The following CA10 variants were observed in gnomAD, a reference collection of about 807,000 sequenced individuals.
The protein encoded by CA10 is carbonic anhydrase-related protein 10.
A neutral mutation model predicts 44.2 loss-of-function variants in CA10; 14 were observed. That is an observed-to-expected ratio of 0.32 (90% CI 0.21 to 0.50). CA10 has a LOEUF of 0.50. Ranked by LOEUF, CA10 falls within the 20% of genes least tolerant of loss-of-function variation. The pLI is 0.99. For missense variants in CA10, 350 were observed against 409.7 expected, an observed-to-expected ratio of 0.85 and a Z score of 1.26; for synonymous variants, 159 against 141.6, an observed-to-expected ratio of 1.12 and a Z score of -0.87.
intron 2 of CA10, among the ~76,000 whole-genome samples, chr17:52,062,721 C>G (rs1987423566): frequency 6.6e-6 from 1 of 152,186 alleles, no homozygotes; most frequent in Non-Finnish European, 1.5e-5. Flanking sequence ...TCTGTAGGCT[C>G]CTAGAATGCA....
intron 4 of CA10, among the ~76,000 whole-genome samples, chr17:51,724,987 C>G (rs1916467819): frequency 2.0e-5 from 3 of 152,182 alleles, no homozygotes; most frequent in Admixed American, 2.0e-4. Flanking sequence ...TTATGGTCCT[C>G]AACAGTCACC....
intron 3 of CA10, among the ~76,000 whole-genome samples, chr17:51,919,267 T>C (rs1014662825): frequency 6.6e-6 from 1 of 152,160 alleles, no homozygotes; most frequent in East Asian, 1.9e-4. Flanking sequence ...ATAGAACAAC[T>C]TTGTGGGTTT....
At chr17:52,127,992 G>C (rs1031251315) in intron 1 of CA10, among the ~76,000 whole-genome samples, 1 of 152,176 alleles carries the variant, frequency 6.6e-6, no homozygotes, top group Non-Finnish European at 1.5e-5. Flanking sequence ...CTGTAAGATA[G>C]GTATTGCTTT....
At chr17:51,899,363 T>C (rs571772778) in intron 3 of CA10, among the ~76,000 whole-genome samples, 21 of 152,250 alleles carry the variant, frequency 1.4e-4, no homozygotes, top group African/African-American at 4.8e-4. Flanking sequence ...AATTGTATGG[T>C]TTTATGTAAT....
chr17:52,037,926 C>A (rs1225631921), intron 2 of CA10, among the ~76,000 whole-genome samples: 2 of 151,976 alleles, frequency 1.3e-5, no homozygotes, highest in East Asian at 3.9e-4. Flanking sequence ...TCCTCTGGCC[C>A]AAAACTCTTT....
intron 4 of CA10, among the ~76,000 whole-genome samples, chr17:51,704,729 G>A (rs920336742): frequency 6.6e-6 from 1 of 152,092 alleles, no homozygotes; most frequent in Non-Finnish European, 1.5e-5. Context: ...TTTGGGAGGC[G>A]ACAGTGGTGG....
chr17:51,832,028 C>T (rs867411066), intron 3 of CA10, among the ~76,000 whole-genome samples: 34 of 152,278 alleles, frequency 2.2e-4, no homozygotes, highest in Middle Eastern at 3.4e-3. Context: ...CTAGAAGATT[C>T]CCATTCCTGT....
At chr17:51,982,231 G>A (rs534798867) in intron 2 of CA10, among the ~76,000 whole-genome samples, 2 of 151,896 alleles carry the variant, frequency 1.3e-5, no homozygotes, top group African/African-American at 4.8e-5. Context: ...TTTAACATTT[G>A]CCAGTGTGTC....
chr17:51,877,476 C>T (rs997830970), intron 3 of CA10, among the ~76,000 whole-genome samples: 2 of 152,162 alleles, frequency 1.3e-5, no homozygotes, highest in Admixed American at 6.5e-5. Context: ...TCTTCCCTGA[C>T]CATCCCGCAT....
At chr17:51,796,717 T>C (rs1906723690) in intron 3 of CA10, among the ~76,000 whole-genome samples, 5 of 152,170 alleles carry the variant, frequency 3.3e-5, no homozygotes, top group Admixed American at 2.6e-4. Flanking sequence ...CTAACTTTAA[T>C]GTAACATCTG....
chr17:52,034,299 T>TA (rs1314136297), intron 2 of CA10, among the ~76,000 whole-genome samples: 24 of 152,192 alleles, frequency 1.6e-4, no homozygotes, highest in African/African-American at 5.8e-4. Context: ...AGTGTGTATT[T>TA]ATCTCTAAAC....
intron 4 of CA10, among the ~76,000 whole-genome samples, chr17:51,702,439 A>G (rs1158735023): frequency 6.6e-6 from 1 of 152,170 alleles, no homozygotes; most frequent in African/African-American, 2.4e-5. Flanking sequence ...AAGGCTGGTG[A>G]CAGGTCATTC....
chr17:51,907,864 C>T (rs751222971), intron 3 of CA10, among the ~76,000 whole-genome samples: 5 of 152,144 alleles, frequency 3.3e-5, no homozygotes, highest in African/African-American at 7.2e-5. Context: ...ACTTCCTGTG[C>T]ACAATGTCCA....
chr17:51,723,608 G>T (rs1047576316), intron 4 of CA10, among the ~76,000 whole-genome samples: 6 of 152,140 alleles, frequency 3.9e-5, no homozygotes, highest in African/African-American at 1.4e-4. Flanking sequence ...GGTCTCTGGG[G>T]AAGCTTTTTG....
intron 3 of CA10, among the ~76,000 whole-genome samples, chr17:51,764,989 G>T (rs549412533): frequency 7.2e-5 from 11 of 152,324 alleles, no homozygotes; most frequent in Non-Finnish European, 1.2e-4. Flanking sequence ...AAAAGGTTGT[G>T]TGAACAGTTT....
chr17:51,922,002 G>C (rs1487589456), intron 3 of CA10, among the ~76,000 whole-genome samples: 1 of 152,040 alleles, frequency 6.6e-6, no homozygotes, highest in Non-Finnish European at 1.5e-5. Context: ...TAGTTTCTCT[G>C]ACAAAGAAAT....
chr17:51,717,834 TA>T (rs1916207861), intron 4 of CA10, among the ~76,000 whole-genome samples: 2 of 61,160 alleles, frequency 3.3e-5, no homozygotes, highest in Admixed American at 1.9e-4. Context: ...TGTGTGTATA[TA>T]TATATATATA....
chr17:51,692,506 T>C (rs1352204292), intron 4 of CA10, among the ~76,000 whole-genome samples: 1 of 152,176 alleles, frequency 6.6e-6, no homozygotes, highest in East Asian at 1.9e-4. Flanking sequence ...ATTTGATTTC[T>C]TCCTTTCCAA....
At chr17:52,017,791 G>A (rs1986014640) in intron 2 of CA10, among the ~76,000 whole-genome samples, 1 of 152,072 alleles carries the variant, frequency 6.6e-6, no homozygotes, top group Admixed American at 6.6e-5. Flanking sequence ...TGGTAGTCAT[G>A]CACTCGTAGC....
Sources: gnomAD v4.1 joint callset for allele counts (sites outside exome capture counted in the v4.1 genomes callset) on GRCh38, gnomAD v4.1.1 for gene constraint, MANE v1.5 for transcripts, NCBI Gene and HGNC (gene_info 2026-07-23, HGNC 2026-07-21) for gene names.